The following UBE2R2 variants were observed in gnomAD, a reference collection of about 807,000 sequenced individuals.
The protein encoded by UBE2R2 is ubiquitin-conjugating enzyme E2 R2.
UBE2R2 carries 1 observed loss-of-function variant against 27.8 expected under a neutral mutation model. The observed-to-expected ratio is 0.04, with a 90% confidence interval of 0.01 to 0.17. The LOEUF is 0.17. Ranked by LOEUF, UBE2R2 falls within the 10% of genes least tolerant of loss-of-function variation. The pLI is 1.00. For missense variants in UBE2R2, 100 were observed against 291.0 expected (o/e 0.34, Z 4.78); for synonymous variants, 106 against 113.3 (o/e 0.94, Z 0.41).
In UBE2R2 at chr9:33,893,669, C is replaced by G. The variant is rs1414607240; in HGVS notation, c.265-6505C>G. Among the ~76,000 whole-genome samples the G allele has an allele frequency of 3.3e-5, 5 of 152,284 alleles. No individual in the cohort carries two copies. In the East Asian group the frequency reaches 9.6e-4, roughly 29 times the overall value. ...TTATTTTTTGAGACAGAGTCTCACTCTGTTGCCCAGGCTGGGATGCAGTCA... is the reference window on the plus strand; with the variant it reads ...TTATTTTTTGAGACAGAGTCTCACTGTGTTGCCCAGGCTGGGATGCAGTCA... On this transcript the variant is annotated intron_variant, in intron 2 of 4. Transcript: ENST00000263228.
intron 1 of UBE2R2, among the ~76,000 whole-genome samples, chr9:33,843,689 G>C (rs934221825): frequency 2.6e-5 from 4 of 152,086 alleles, no homozygotes; most frequent in African/African-American, 9.7e-5. Context: ...ATGTTGTCCA[G>C]GCTGATCTTG....
At chr9:33,871,972 A>G (rs368332764) in intron 1 of UBE2R2, among the ~76,000 whole-genome samples, 244 of 152,222 alleles carry the variant, frequency 1.6e-3, no homozygotes, top group African/African-American at 5.5e-3. Context: ...TCAGCCTCCC[A>G]AAGTGCTGGC....
intron 1 of UBE2R2, among the ~76,000 whole-genome samples, chr9:33,863,058 C>T (rs1374639380): frequency 3.3e-5 from 5 of 151,800 alleles, no homozygotes; most frequent in African/African-American, 9.7e-5. Flanking sequence ...CATGGTGGCA[C>T]GCACCTGTAA....
chr9:33,862,879 T>G (rs1821271617), intron 1 of UBE2R2, among the ~76,000 whole-genome samples: 1 of 152,176 alleles, frequency 6.6e-6, no homozygotes, highest in East Asian at 1.9e-4. Flanking sequence ...ATTACTTTCT[T>G]TAAGGTTTTT....
upstream of UBE2R2, among the ~76,000 whole-genome samples, chr9:33,816,617 G>A (rs1288248040): frequency 2.6e-5 from 4 of 152,232 alleles, no homozygotes; most frequent in African/African-American, 9.6e-5. Context: ...GGGCACACTT[G>A]CCTGTGGGCT....
At chr9:33,880,432 T>G (rs1821709425) in intron 1 of UBE2R2, among the ~76,000 whole-genome samples, 1 of 152,214 alleles carries the variant, frequency 6.6e-6, no homozygotes, top group South Asian at 2.1e-4. Context: ...TTACTAAATA[T>G]CTTTGAATTT....
At chr9:33,903,701 C>A (rs1288484939) in intron 3 of UBE2R2, among the ~76,000 whole-genome samples, 1 of 152,194 alleles carries the variant, frequency 6.6e-6, no homozygotes, top group African/African-American at 2.4e-5. Flanking sequence ...ATCTGCCCAT[C>A]TGAAACTGCC....
At chr9:33,856,858 C>T (rs1288236781) in intron 1 of UBE2R2, among the ~76,000 whole-genome samples, 2 of 149,604 alleles carry the variant, frequency 1.3e-5, no homozygotes, top group Non-Finnish European at 3.0e-5. Context: ...TCCATCCATC[C>T]GTCTGTCCGT....
chr9:33,866,134 A>C (rs1011929069), intron 1 of UBE2R2, among the ~76,000 whole-genome samples: 1 of 151,700 alleles, frequency 6.6e-6, no homozygotes, highest in Admixed American at 6.6e-5. Context: ...TGCCCGGCTC[A>C]CATTTAGTTT....
intron 1 of UBE2R2, among the ~76,000 whole-genome samples, chr9:33,885,060 T>G (rs927922189): frequency 1.3e-5 from 2 of 152,214 alleles, no homozygotes; most frequent in Non-Finnish European, 2.9e-5. Flanking sequence ...ACCAGTTAGT[T>G]AGCTGGAATT....
chr9:33,854,348 T>C (rs1821047711), intron 1 of UBE2R2, among the ~76,000 whole-genome samples: 1 of 151,988 alleles, frequency 6.6e-6, no homozygotes, highest in Non-Finnish European at 1.5e-5. Context: ...AGACGGCGTT[T>C]CACTCTTGTC....
At chr9:33,862,014 T>C (rs951158502) in intron 1 of UBE2R2, among the ~76,000 whole-genome samples, 2 of 151,830 alleles carry the variant, frequency 1.3e-5, no homozygotes, top group African/African-American at 2.4e-5. Flanking sequence ...CCACCATGCC[T>C]GACTAGTTTT....
At chr9:33,856,095 T>C (rs1326362189) in intron 1 of UBE2R2, among the ~76,000 whole-genome samples, 1 of 152,128 alleles carries the variant, frequency 6.6e-6, no homozygotes, top group Non-Finnish European at 1.5e-5. Context: ...TCTTACCCTG[T>C]CCTGGTTTTA....
At chr9:33,830,454 G>C (rs561055387) in intron 1 of UBE2R2, among the ~76,000 whole-genome samples, 4 of 149,082 alleles carry the variant, frequency 2.7e-5, no homozygotes, top group African/African-American at 9.8e-5. Flanking sequence ...ACTGCGCCCG[G>C]CCTCATAATT....
chr9:33,887,178 A>G (rs1291777288), intron 2 of UBE2R2, among the ~76,000 whole-genome samples: 1 of 152,216 alleles, frequency 6.6e-6, no homozygotes, highest in African/African-American at 2.4e-5. Context: ...AGGATAAAGG[A>G]TAAAGTAAAG....
intron 1 of UBE2R2, among the ~76,000 whole-genome samples, chr9:33,859,012 G>T (rs894965779): frequency 6.6e-6 from 1 of 151,936 alleles, no homozygotes; most frequent in Non-Finnish European, 1.5e-5. Flanking sequence ...TTTTAGTAGA[G>T]ACAGGGTTTC....
intron 3 of UBE2R2, among the ~76,000 whole-genome samples, chr9:33,910,293 C>T (rs1230419201): frequency 1.3e-5 from 2 of 151,894 alleles, no homozygotes; most frequent in Admixed American, 6.6e-5. Flanking sequence ...GGATTACAGG[C>T]GCCTGCTACC....
chr9:33,823,097 G>A (rs1342577906), intron 1 of UBE2R2, among the ~76,000 whole-genome samples: 1 of 150,774 alleles, frequency 6.6e-6, no homozygotes, highest in Non-Finnish European at 1.5e-5. Context: ...GTAGAGATGG[G>A]GTTTTGCCAT....
At position 33,817,369 on chromosome 9, in the gene UBE2R2, G is replaced by T. The variant is rs547665453; in HGVS notation, c.-389G>T. Among the ~76,000 whole-genome samples, 6 of 149,834 alleles carry T rather than the reference G, an allele frequency of 4.0e-5. No homozygotes were observed. Among genetic ancestry groups the T allele is most frequent in the Admixed American group, 2.6e-4 (4 of 15,142 alleles). ...CGAGCGAGCGCGGCGTTCCCGGGCC[G>T]GCCCGGCCCCCTCCCTTCACCATCG... On this transcript the variant is annotated 5_prime_UTR_variant, in exon 1 of 5. Transcript: ENST00000263228.
Sources: gnomAD v4.1 joint callset for allele counts (sites outside exome capture counted in the v4.1 genomes callset) on GRCh38, gnomAD v4.1.1 for gene constraint, MANE v1.5 for transcripts, NCBI Gene and HGNC (gene_info 2026-07-23, HGNC 2026-07-21) for gene names.